Variants in PDPN observed in about 807,000 individuals in gnomAD.
PDPN encodes podoplanin.
In PDPN, 12 loss-of-function variants were observed where a neutral mutation model predicts 23.2. The ratio of observed to expected loss-of-function variants is 0.52; its 90% CI spans 0.33 to 0.84. The LOEUF is 0.84. PDPN is among the 40% of genes least tolerant of loss of function. The probability of loss-of-function intolerance (pLI) is 0.02; values close to 1 mark genes in which losing one functional copy is unlikely to be tolerated. For missense variants in PDPN, 199 were observed against 212.2 expected (o/e 0.94, Z 0.39); for synonymous variants, 77 against 76.7 (o/e 1.00, Z -0.02).
chr1:13,592,573 G>C (rs1640376678), intron 1 of PDPN, among the ~76,000 whole-genome samples: 1 of 127,782 alleles, frequency 7.8e-6, no homozygotes, highest in South Asian at 2.5e-4. Flanking sequence ...TTTTGAGACA[G>C]AGTTTTGCTC....
At chr1:13,609,820 A>T (rs1204642542) in intron 2 of PDPN, among the ~76,000 whole-genome samples, 3 of 151,822 alleles carry the variant, frequency 2.0e-5, no homozygotes, top group Non-Finnish European at 4.4e-5. Flanking sequence ...TAATCCTAGC[A>T]CTTTGGGAGG....
At chr1:13,594,258 C>T (rs909279404) in intron 1 of PDPN, among the ~76,000 whole-genome samples, 1 of 152,150 alleles carries the variant, frequency 6.6e-6, no homozygotes, top group African/African-American at 2.4e-5. Context: ...AAAATGTTAT[C>T]AAATTCTATA....
In PDPN at chr1:13,583,905, C is replaced by G; in HGVS notation, c.-129C>G. 6.2e-7 allele frequency: 1 copy of G among 1,611,868 alleles called. No homozygotes were observed. ...ACCCTCCCTCTCCGGGGCTCCTGCT[C>G]CCACCCCTCCGGCCCCCCCACCGTC... On this transcript the variant is annotated 5_prime_UTR_variant, in exon 1 of 6. Transcript: ENST00000621990.
At position 13,584,044 on chromosome 1, in the gene PDPN, T is replaced by C; in HGVS notation, c.11T>C (p.Val4Ala). 1.2e-6 allele frequency: 2 copies of C among 1,613,278 alleles called. No homozygotes were observed. The highest frequency in any genetic ancestry group is 1.7e-6 in the Non-Finnish European group (2 of 1,179,998). Residue 4 changes from valine (V) to alanine (A), a missense_variant, in exon 1 of 6, where the codon GTG becomes GCG. Coordinates refer to ENST00000621990, the MANE Select transcript of PDPN (RefSeq NM_006474.5). Reference sequence around the variant, plus strand: ...AACTCAACGGGAACGATGTGGAAGGTGTCAGCTCTGCTCTTCGTTTTGGGA... The same window carrying C: ...AACTCAACGGGAACGATGTGGAAGGCGTCAGCTCTGCTCTTCGTTTTGGGA... MWK[V>A]SALLFVLGSA...
Position 13,584,080 on chromosome 1 carries a change from T to G in PDPN, c.47T>G (p.Leu16Arg), listed in dbSNP as rs745658026. Residue 16 changes from leucine (L) to arginine (R), a missense_variant, in exon 1 of 6, where the codon CTC becomes CGC. Transcript: ENST00000621990. ...ALLFVLGSASLWVLAEGASTG... is the reference protein window; with the variant it reads ...ALLFVLGSASRWVLAEGASTG... ...CTCTTCGTTTTGGGAAGCGCGTCGC[T>G]CTGGGTCCTGGCAGAAGGAGGTAAG... The G allele has an allele frequency of 1.2e-6, 2 of 1,613,082 alleles. No homozygotes were observed. Among genetic ancestry groups the G allele is most frequent in the South Asian group, 2.2e-5 (2 of 91,088 alleles).
At chr1:13,588,599 A>G (rs909252086) in intron 1 of PDPN, among the ~76,000 whole-genome samples, 2 of 147,436 alleles carry the variant, frequency 1.4e-5, no homozygotes, top group Admixed American at 6.8e-5. Context: ...ATAACTATAT[A>G]TTATATATTT....
chr1:13,601,280 A>G (rs1640635151), intron 1 of PDPN, among the ~76,000 whole-genome samples: 1 of 152,328 alleles, frequency 6.6e-6, no homozygotes, highest in South Asian at 2.1e-4. Context: ...CAGAGGGCCC[A>G]TGTGGAGTGG....
intron 1 of PDPN, chr1:13,595,685 T>TG (rs1640476289): frequency 2.4e-6 from 1 of 425,398 alleles, no homozygotes; most frequent in African/African-American, 2.0e-5. Flanking sequence ...ATCTCGTCAT[T>TG]GGTCTCATCC....
In PDPN at chr1:13,607,242, C is replaced by G; in HGVS notation, c.137C>G (p.Ala46Gly). ...GAAGGCGGCGTTGCCATGCCAGGTG[C>G]CGAAGATGATGTGGTGACTCCAGGA... is the stretch of plus-strand genomic sequence containing the variant. ...GLEGGVAMPGAEDDVVTPGTS... is the reference protein window; with the variant it reads ...GLEGGVAMPGGEDDVVTPGTS... The change falls in exon 2 of 6, where the codon GCC (alanine) becomes GGC (glycine). Residue 46 changes from alanine (A) to glycine (G), a missense_variant. Coordinates refer to ENST00000621990, the MANE Select transcript of PDPN (RefSeq NM_006474.5). 6.2e-7 allele frequency: 1 copy of G among 1,614,034 alleles called. No homozygotes were observed. Among genetic ancestry groups the G allele is most frequent in the Non-Finnish European group, 8.5e-7 (1 of 1,179,940 alleles).
In PDPN at chr1:13,584,020, A is replaced by G. The variant is rs1452565285; in HGVS notation, c.-14A>G. ...CTGCTCGGCCCCCAGGAGAGCAACA[A>G]CTCAACGGGAACGATGTGGAAGGTG... On this transcript the variant is annotated 5_prime_UTR_variant, in exon 1 of 6. Transcript: ENST00000621990. The G allele has an allele frequency of 1.9e-6, 3 of 1,613,174 alleles. No homozygotes were observed. Among genetic ancestry groups the G allele is most frequent in the South Asian group, 1.1e-5 (1 of 91,076 alleles).
chr1:13,611,089 C>T lies in PDPN; in HGVS notation c.331+573C>T, dbSNP rs951711473. 2.7e-4 allele frequency among the ~76,000 whole-genome samples: 41 copies of T among 151,960 alleles called. 1 individual carries two copies. The highest frequency in any genetic ancestry group is 1.2e-4 in the African/African-American group (5 of 41,358). On this transcript the variant is annotated intron_variant, in intron 3 of 5. Coordinates refer to ENST00000621990, the MANE Select transcript of PDPN (RefSeq NM_006474.5). ...ACTAAAAATCAGCCGGGAGTGGTGG[C>T]GGGCGCCTGTAGTCCCAGCTACTTG...
intron 2 of PDPN, among the ~76,000 whole-genome samples, chr1:13,607,876 A>T (rs1287864985): frequency 3.9e-5 from 6 of 152,258 alleles, no homozygotes; most frequent in Admixed American, 3.3e-4. Flanking sequence ...AGGCTGAGGC[A>T]GGTGGATCAC....
chr1:13,609,450 A>G (rs929219108), intron 2 of PDPN, among the ~76,000 whole-genome samples: 1 of 152,200 alleles, frequency 6.6e-6, no homozygotes, highest in Non-Finnish European at 1.5e-5. Flanking sequence ...GGTTAAAAAA[A>G]TAACATGAAA....
chr1:13,597,044 C>T (rs1363162288), intron 1 of PDPN, among the ~76,000 whole-genome samples: 1 of 152,098 alleles, frequency 6.6e-6, no homozygotes, highest in African/African-American at 2.4e-5. Flanking sequence ...ATACAAAAGC[C>T]TGTGTTTGGG....
intron 3 of PDPN, among the ~76,000 whole-genome samples, chr1:13,612,603 GTCAGC>G (rs1170324873): frequency 2.0e-5 from 3 of 152,198 alleles, no homozygotes; most frequent in Non-Finnish European, 4.4e-5. Flanking sequence ...GGGTAGCACA[GTCAGC>G]ATGAGCTCTT....
chr1:13,584,165 G>C, intron 1 of PDPN, 65 bp downstream of exon 1: 1 of 1,575,080 alleles, frequency 6.3e-7, no homozygotes, highest in Non-Finnish European at 8.7e-7. Context: ...AGACTTGCTG[G>C]AATGCCCGGG....
At chr1:13,604,344 C>A (rs937233009) in intron 1 of PDPN, among the ~76,000 whole-genome samples, 1 of 152,188 alleles carries the variant, frequency 6.6e-6, no homozygotes, top group Non-Finnish European at 1.5e-5. Context: ...AGCCAAGATA[C>A]TAAGAGGGAC....
chr1:13,587,044 C>T (rs762580824), intron 1 of PDPN, among the ~76,000 whole-genome samples: 3 of 152,060 alleles, frequency 2.0e-5, no homozygotes, highest in East Asian at 1.9e-4. Flanking sequence ...AGCGAGACTC[C>T]GTCTCAAAAA....
In PDPN at chr1:13,610,528, A is replaced by G. The variant is rs752563909; in HGVS notation, c.331+12A>G. The G allele has an allele frequency of 1.9e-6, 3 of 1,611,876 alleles. No individual in the cohort carries two copies. The East Asian group carries it at 6.7e-5, about 36-fold the overall frequency. ...CAGTCACTCCACGGGTAAGAAAACC[A>G]GCCACCTCCATGGGGGCTGATCTAC... On this transcript the variant is annotated intron_variant, in intron 3 of 5. Coordinates refer to ENST00000621990, the MANE Select transcript of PDPN (RefSeq NM_006474.5).
Sources: allele counts gnomAD v4.1 joint callset (sites outside exome capture counted in the v4.1 genomes callset), GRCh38; gene constraint gnomAD v4.1.1; transcripts MANE v1.5; gene names NCBI Gene and HGNC (gene_info 2026-07-23, HGNC 2026-07-21).